The following THBS3 variants were observed in gnomAD, a reference collection of about 807,000 sequenced individuals.
THBS3 encodes the protein thrombospondin-3.
Under a neutral mutation model 118.3 loss-of-function variants are expected in THBS3, and 78 were observed. The ratio of observed to expected loss-of-function variants is 0.66; its 90% CI spans 0.55 to 0.80. The LOEUF (loss-of-function observed/expected upper bound fraction) is 0.80, where lower values mean the gene tolerates loss of function less well. Among genes scored for constraint, THBS3 ranks in the 30% least tolerant of loss-of-function variants. THBS3 has a pLI of 0.00. For synonymous variants in THBS3, 427 were observed against 475.3 expected (o/e 0.90, Z 1.32); for missense variants, 1,057 against 1,247.4 (o/e 0.85, Z 2.30).
At chr1:155,208,694 C>T (rs373663022), upstream of THBS3, 58 of 1,174,614 alleles carry the variant, frequency 4.9e-5, 2 homozygotes, top group Non-Finnish European at 6.3e-5. Flanking sequence ...TCCCCTCCCC[C>T]ACCCAAGCCC....
At chr1:155,208,843 G>A, upstream of THBS3, 5 of 1,591,978 alleles carry the variant, frequency 3.1e-6, no homozygotes, top group African/African-American at 1.4e-5. Flanking sequence ...CCCGCTCGGG[G>A]ACGAGCCCCA....
chr1:155,205,250 G>A lies in THBS3; in HGVS notation c.353C>T (p.Ala118Val). ...HAVNLQQAGL[A>V]DGRTHTVLLR... The stretch of plus-strand genomic sequence containing the variant: ...GAGAACTGTGTGTGTGCGCCCATCA[G>A]CCAGGCCCGCTTGCTGTAGGTTCAC... The change falls in exon 3 of 23, where the codon GCT (alanine) becomes GTT (valine). Residue 118 changes from alanine (A) to valine (V), a missense_variant. This residue lies in a region of THBS3 where 206 missense variants were observed against 205.7 expected (regional missense o/e 1.00). Transcript: ENST00000368378. 1 of 1,614,146 alleles carries A rather than the reference G, an allele frequency of 6.2e-7. No homozygotes were observed. The highest frequency in any genetic ancestry group is 8.5e-7 in the Non-Finnish European group (1 of 1,180,042).
In THBS3 at chr1:155,197,391, G is replaced by C; in HGVS notation, c.2499+72C>G. ...AAGAGGGTTCCCAGTCAAGCAGTGG[G>C]GGAGGCCCTGGGGCTGCAGAGGAGA... On this transcript the variant is annotated intron_variant, in intron 20 of 22. Transcript: ENST00000368378. The surrounding 1 kb of genome is among the most constrained non-coding windows in gnomAD (Gnocchi z 5.0). 6.4e-7 allele frequency: 1 copy of C among 1,562,832 alleles called. No homozygotes were observed. The highest frequency in any genetic ancestry group is 1.7e-5 in the Admixed American group (1 of 58,394).
Position 155,195,592 on chromosome 1 carries a change from A to G in THBS3, c.*249T>C, listed in dbSNP as rs533233067. On this transcript the variant is annotated 3_prime_UTR_variant, in exon 23 of 23. Transcript: ENST00000368378. The stretch of plus-strand genomic sequence containing the variant: ...AAAATAAGCAGTTGCACTGGCTTAG[A>G]AAACAACCAAAACTTTATGGCAATG... The G allele has an allele frequency of 2.4e-5, 11 of 457,676 alleles. No individual in the cohort carries two copies. The highest frequency in any genetic ancestry group is 1.8e-4 in the African/African-American group (9 of 51,166). 28.4% of individuals were successfully genotyped at this position (457,676 alleles called of 1,614,324 possible).
rs1361530672 is a variant in THBS3 at position 155,197,953 on chromosome 1, G to A, written c.2254-25C>T. 2 of 1,614,002 alleles carry A rather than the reference G, an allele frequency of 1.2e-6. No individual in the cohort carries two copies. The stretch of plus-strand genomic sequence containing the variant: ...CCTGGGGTTGTATAGTAAAGAAAAA[G>A]CTGTGATGCAGGTGTGCTATCCCTC... On this transcript the variant is annotated intron_variant, in intron 18 of 22. Transcript: ENST00000368378. This position sits in a 1 kb window ranked among gnomAD's most constrained non-coding sequence, Gnocchi z 5.0.
chr1:155,205,911 A>G (rs530509410), intron 2 of THBS3, among the ~76,000 whole-genome samples: 2 of 152,312 alleles, frequency 1.3e-5, no homozygotes, highest in Non-Finnish European at 2.9e-5. Flanking sequence ...TTTCTGTATC[A>G]CCGCTGAGGC....
intron 15 of THBS3, 37 bp downstream of exon 15, chr1:155,199,958 C>CCTGT: frequency 6.2e-7 from 1 of 1,605,672 alleles, no homozygotes; most frequent in Non-Finnish European, 8.5e-7. Context: ...TCCATCAGTA[C>CCTGT]CCTCATCCCT....
chr1:155,202,879 C>T lies in THBS3; in HGVS notation c.890G>A (p.Gly297Asp). The T allele has an allele frequency of 6.2e-7, 1 of 1,613,806 alleles. No individual in the cohort carries two copies. The highest frequency in any genetic ancestry group is 8.5e-7 in the Non-Finnish European group (1 of 1,180,044). ...VDCMEVYEYPGYRCGPCPPGL... is the reference protein window; with the variant it reads ...VDCMEVYEYPDYRCGPCPPGL... The stretch of plus-strand genomic sequence containing the variant: ...AGGGGGGCAGGGCCCACAGCGGTAG[C>T]CTGGGTACTCGTACACTTCCATGCA... Residue 297 changes from glycine (G) to aspartate (D), a missense_variant, in exon 8 of 23, where the codon GGC (glycine) becomes GAC (aspartate). Physicochemically the swap from Gly to Asp is moderately conservative, Grantham distance 94. Around this residue, in one of 3 missense-constraint regions of THBS3, gnomAD observed 544 missense variants for 715.6 expected, o/e 0.76. Transcript: ENST00000368378. The surrounding 1 kb of genome is among the most constrained non-coding windows in gnomAD (Gnocchi z 5.5).
At position 155,197,314 on chromosome 1, in the gene THBS3, T is replaced by C. The variant is rs1668838945; in HGVS notation, c.2500-101A>G. The C allele has an allele frequency of 1.6e-5, 24 of 1,542,234 alleles. No individual in the cohort carries two copies. The South Asian group carries it at 2.7e-4, about 18-fold the overall frequency. On this transcript the variant is annotated intron_variant, in intron 20 of 22. Transcript: ENST00000368378. The surrounding 1 kb of genome is among the most constrained non-coding windows in gnomAD (Gnocchi z 5.0). ...GTGGGAAAGGGATTCAAGGCGGTCA[T>C]GAAAATGCCCTGGGGCCCCAGAGAG...
chr1:155,195,790 C>A lies in THBS3; in HGVS notation c.*51G>T. ...GACCTCAGGGTCTCCAGGATGGACCCCAAGGCCAAAGGGTCTAAAATTCTG... is the reference window on the plus strand; with the variant it reads ...GACCTCAGGGTCTCCAGGATGGACCACAAGGCCAAAGGGTCTAAAATTCTG... On this transcript the variant is annotated 3_prime_UTR_variant, in exon 23 of 23. Coordinates refer to ENST00000368378, the MANE Select transcript of THBS3 (RefSeq NM_007112.5). The A allele has an allele frequency of 1.2e-6, 2 of 1,600,672 alleles. No homozygotes were observed. Among genetic ancestry groups the A allele is most frequent in the South Asian group, 1.1e-5 (1 of 90,616 alleles).
At chr1:155,204,019 T>C (rs1670192302) in intron 4 of THBS3, among the ~76,000 whole-genome samples, 2 of 151,912 alleles carry the variant, frequency 1.3e-5, no homozygotes, top group South Asian at 4.2e-4. Flanking sequence ...TTGTATTTTT[T>C]AGTAGAGAGG....
chr1:155,201,650 T>C (rs1669748223), intron 10 of THBS3, 81 bp from the exon 11 acceptor site: 1 of 1,491,396 alleles, frequency 6.7e-7, no homozygotes, highest in Non-Finnish European at 9.2e-7. Flanking sequence ...ACCTGCGGAG[T>C]GTGGGCTGGG....
chr1:155,203,841 ATT>A (rs397960325), intron 4 of THBS3, among the ~76,000 whole-genome samples: 3 of 141,746 alleles, frequency 2.1e-5, no homozygotes, highest in Non-Finnish European at 3.1e-5. Flanking sequence ...GTATATCCCC[ATT>A]TTTTTTTTTT....
At chr1:155,205,725 C>G (rs1257299923) in intron 2 of THBS3, among the ~76,000 whole-genome samples, 1 of 152,198 alleles carries the variant, frequency 6.6e-6, no homozygotes, top group East Asian at 1.9e-4. Flanking sequence ...TTGCAGTGAG[C>G]TGAGATTGTA....
At chr1:155,208,777 G>C, upstream of THBS3, 3 of 1,345,128 alleles carry the variant, frequency 2.2e-6, no homozygotes, top group South Asian at 4.3e-5. Context: ...CGCAGGGCCC[G>C]CTCCAAACAT....
rs368768209 is a variant in THBS3 at position 155,197,442 on chromosome 1, G to A, written c.2499+21C>T. On this transcript the variant is annotated intron_variant, in intron 20 of 22. Transcript: ENST00000368378. This position sits in a 1 kb window ranked among gnomAD's most constrained non-coding sequence, Gnocchi z 5.0. ...GCTTTGGGAAAGGGCCCTGGGTTGC[G>A]GAATCTGAGCAGCTGGGGACCTTGA... The A allele has an allele frequency of 4.8e-5, 77 of 1,608,548 alleles. No homozygotes were observed. The highest frequency in any genetic ancestry group is 2.0e-4 in the Admixed American group (12 of 59,984).
rs756056482 is a variant in THBS3, at chr1:155,200,526, C to T, written c.1633G>A (p.Val545Ile). 3.2e-5 allele frequency: 52 copies of T among 1,613,982 alleles called. 1 individual carries two copies. Among genetic ancestry groups the T allele is most frequent in the Non-Finnish European group, 3.8e-5 (45 of 1,180,040 alleles). The change falls in exon 14 of 23, where the codon GTT becomes ATT. Residue 545 changes from valine to isoleucine, a missense_variant. Physicochemically the swap from Val to Ile is conservative, Grantham distance 29. Coordinates refer to ENST00000368378, the MANE Select transcript of THBS3 (RefSeq NM_007112.5). ...FGDACDNCPNVPNNDQKDTDG... is the reference protein window; with the variant it reads ...FGDACDNCPNIPNNDQKDTDG... ...GTGTCCTTCTGGTCATTGTTGGGAA[C>T]GTTGGGGCAATTGTCACAGGCATCA...
chr1:155,208,949 C>T (rs1307510514), upstream of THBS3: 3 of 1,609,874 alleles, frequency 1.9e-6, no homozygotes, highest in East Asian at 2.2e-5. Flanking sequence ...GCCTGCCGCG[C>T]CTTCAGGGGT....
chr1:155,208,948 G>T (rs1391387157), upstream of THBS3: 2 of 1,609,646 alleles, frequency 1.2e-6, no homozygotes, highest in Admixed American at 3.4e-5. Context: ...AGCCTGCCGC[G>T]CCTTCAGGGG....
Sources: gnomAD v4.1 joint callset for allele counts (sites outside exome capture counted in the v4.1 genomes callset) on GRCh38, gnomAD v4.1.1 for gene constraint, gnomAD v4.1.1 regional missense constraint, Gnocchi (gnomAD v3.1) non-coding constraint, MANE v1.5 for transcripts, NCBI Gene and HGNC (gene_info 2026-07-23, HGNC 2026-07-21) for gene names.